IL1RAPL1: variants seen among roughly 807,000 people sequenced by gnomAD.
The protein encoded by IL1RAPL1 is interleukin-1 receptor accessory protein-like 1.
Under a neutral mutation model 48.4 loss-of-function variants are expected in IL1RAPL1, and 3 were observed. The observed-to-expected ratio is 0.06, with a 90% CI of 0.03 to 0.16. IL1RAPL1 has a LOEUF of 0.16. IL1RAPL1 is among the 10% of genes least tolerant of loss of function. The pLI is 1.00. For missense variants in IL1RAPL1, 349 were observed against 530.6 expected, an observed-to-expected ratio of 0.66 and a Z score of 3.36; for synonymous variants, 185 against 187.7, an observed-to-expected ratio of 0.99 and a Z score of 0.12.
chrX:28,930,166 C>G (rs954261314), intron 2 of IL1RAPL1, among the ~76,000 whole-genome samples: 1 of 112,169 alleles, frequency 8.9e-6, no homozygotes, highest in African/African-American at 3.2e-5. Flanking sequence ...AATCCTTACT[C>G]TAATCCTTGA....
At chrX:28,857,107 T>C (rs1241026596) in intron 2 of IL1RAPL1, among the ~76,000 whole-genome samples, 2 of 112,265 alleles carry the variant, frequency 1.8e-5, no homozygotes, top group Non-Finnish European at 3.8e-5. Context: ...TCAAACCGGC[T>C]ACAACATTCC....
intron 5 of IL1RAPL1, among the ~76,000 whole-genome samples, chrX:29,616,012 T>C (rs746292450): frequency 1.8e-5 from 2 of 111,426 alleles, no homozygotes; most frequent in South Asian, 7.6e-4. Flanking sequence ...GACCCTCCAA[T>C]AAGTGAGGCT....
chrX:29,195,914 C>T (rs905661143), intron 2 of IL1RAPL1, among the ~76,000 whole-genome samples: 2 of 111,300 alleles, frequency 1.8e-5, no homozygotes, highest in Non-Finnish European at 3.8e-5. Context: ...TAGAAATTTA[C>T]ACTCTGAAGC....
intron 2 of IL1RAPL1, among the ~76,000 whole-genome samples, chrX:28,996,305 A>C (rs1247059498): frequency 3.6e-5 from 4 of 111,376 alleles, no homozygotes; most frequent in Non-Finnish European, 7.6e-5. Flanking sequence ...ATTTCTTTTG[A>C]TTTCCACACA....
At position 28,822,736 on chromosome X, in the gene IL1RAPL1, G is replaced by A. The variant is rs1601918444; in HGVS notation, c.82+33311G>A. 2.7e-5 allele frequency among the ~76,000 whole-genome samples: 3 copies of A among 111,537 alleles called. No homozygotes were observed. The South Asian group carries it at 1.1e-3, about 42-fold the overall frequency. ...GGGAACTAAAAGGACCTTGAACAATGCCCTGTCCAACTGCATCTTGCTACA... is the reference window on the plus strand; with the variant it reads ...GGGAACTAAAAGGACCTTGAACAATACCCTGTCCAACTGCATCTTGCTACA... On this transcript the variant is annotated intron_variant, in intron 2 of 10. Coordinates refer to ENST00000378993, the MANE Select transcript of IL1RAPL1 (RefSeq NM_014271.4).
At chrX:28,956,813 A>G (rs1314915788) in intron 2 of IL1RAPL1, among the ~76,000 whole-genome samples, 2 of 106,558 alleles carry the variant, frequency 1.9e-5, no homozygotes, top group African/African-American at 3.4e-5. Flanking sequence ...TTTTCTATTG[A>G]TTGGAATAGT....
intron 2 of IL1RAPL1, among the ~76,000 whole-genome samples, chrX:29,216,186 T>C (rs1466509361): frequency 2.7e-5 from 3 of 110,351 alleles, no homozygotes; most frequent in Admixed American, 9.7e-5. Flanking sequence ...TGTTGTTTTG[T>C]TTTTTGTTTT....
At chrX:28,906,928 G>T (rs574000564) in intron 2 of IL1RAPL1, among the ~76,000 whole-genome samples, 1 of 111,883 alleles carries the variant, frequency 8.9e-6, no homozygotes, top group Non-Finnish European at 1.9e-5. Flanking sequence ...AACCTAAAAT[G>T]AAAAAGTTTA....
intron 1 of IL1RAPL1, among the ~76,000 whole-genome samples, chrX:28,610,224 G>T (rs1934131253): frequency 8.9e-6 from 1 of 111,804 alleles, no homozygotes; most frequent in Non-Finnish European, 1.9e-5. Flanking sequence ...ACCATGTCTG[G>T]GTTTTTTTCC....
chrX:28,823,859 T>C (rs1445494324), intron 2 of IL1RAPL1, among the ~76,000 whole-genome samples: 1 of 111,268 alleles, frequency 9.0e-6, no homozygotes, highest in Non-Finnish European at 1.9e-5. Flanking sequence ...TCAAGTTCCT[T>C]AACTTAATCA....
chrX:29,884,981 C>A (rs969023078), intron 6 of IL1RAPL1, among the ~76,000 whole-genome samples: 3 of 111,528 alleles, frequency 2.7e-5, no homozygotes, highest in Non-Finnish European at 3.8e-5. Flanking sequence ...CTCTGTTTTA[C>A]ATTGTCAGCA....
chrX:28,898,104 A>G (rs1050535328), intron 2 of IL1RAPL1, among the ~76,000 whole-genome samples: 5 of 111,929 alleles, frequency 4.5e-5, no homozygotes, highest in African/African-American at 1.6e-4. Flanking sequence ...ACTTCAGGCC[A>G]TCTGGATGTA....
intron 6 of IL1RAPL1, among the ~76,000 whole-genome samples, chrX:29,716,805 T>A (rs1203502386): frequency 8.9e-6 from 1 of 111,868 alleles, no homozygotes; most frequent in Non-Finnish European, 1.9e-5. Flanking sequence ...GTGAGTTACC[T>A]GGATTGAACA....
intron 2 of IL1RAPL1, among the ~76,000 whole-genome samples, chrX:29,025,349 G>T (rs1926461848): frequency 9.0e-6 from 1 of 111,558 alleles, no homozygotes. Context: ...CCTTGATTAT[G>T]TTTTACTTGG....
At chrX:29,349,093 T>A (rs1602187466) in intron 3 of IL1RAPL1, among the ~76,000 whole-genome samples, 1 of 112,336 alleles carries the variant, frequency 8.9e-6, no homozygotes, top group East Asian at 2.8e-4. Flanking sequence ...CAGGGGAAAT[T>A]GTCCATTTTT....
intron 1 of IL1RAPL1, among the ~76,000 whole-genome samples, chrX:28,607,675 C>T (rs1934100968): frequency 9.1e-6 from 1 of 109,778 alleles, no homozygotes; most frequent in African/African-American, 3.3e-5. Flanking sequence ...ATTTTTATTG[C>T]CACTCGTGCC....
intron 2 of IL1RAPL1, among the ~76,000 whole-genome samples, chrX:29,049,702 T>C (rs1927051234): frequency 8.9e-6 from 1 of 112,599 alleles, no homozygotes; most frequent in African/African-American, 3.2e-5. Flanking sequence ...TGCCTGACAG[T>C]ATTCTGTTTC....
intron 2 of IL1RAPL1, among the ~76,000 whole-genome samples, chrX:28,982,476 A>G (rs1203984631): frequency 1.8e-5 from 2 of 112,394 alleles, no homozygotes; most frequent in Non-Finnish European, 3.8e-5. Context: ...CACTCAGTAA[A>G]TATTGTTCAT....
At chrX:29,699,625 A>G (rs1464922418) in intron 6 of IL1RAPL1, among the ~76,000 whole-genome samples, 1 of 112,447 alleles carries the variant, frequency 8.9e-6, no homozygotes, top group Non-Finnish European at 1.9e-5. Context: ...TTCCCAGTGC[A>G]TAAGTCACAT....
Sources: allele counts gnomAD v4.1 joint callset (sites outside exome capture counted in the v4.1 genomes callset), GRCh38; gene constraint gnomAD v4.1.1; transcripts MANE v1.5; gene names NCBI Gene and HGNC (gene_info 2026-07-23, HGNC 2026-07-21).